The following CROCC variants were observed in gnomAD, a reference collection of about 807,000 sequenced individuals.
The protein encoded by CROCC is ciliary rootlet coiled-coil, rootletin, also known as rootletin.
CROCC carries 180 observed loss-of-function variants against 245.2 expected under a neutral mutation model. That is an observed-to-expected ratio of 0.73 (90% CI 0.65 to 0.83). CROCC has a LOEUF of 0.83. Ranked by LOEUF, CROCC falls within the 40% of genes least tolerant of loss-of-function variation. The pLI is 0.00. For missense variants in CROCC, 2,688 were observed against 2,779.4 expected (o/e 0.97, Z 0.74); for synonymous variants, 1,205 against 1,241.6 (o/e 0.97, Z 0.62).
In CROCC at chr1:16,966,798, G is replaced by A. The variant is rs2076425728; in HGVS notation, c.4860+227G>A. ...GCTTGGTCAAGGTGCAGTAGCTCATGCCTGTAATCCTAGCACTTTGGGAGG... is the reference window on the plus strand; with the variant it reads ...GCTTGGTCAAGGTGCAGTAGCTCATACCTGTAATCCTAGCACTTTGGGAGG... On this transcript the variant is annotated intron_variant, in intron 30 of 36. Coordinates refer to ENST00000375541, the MANE Select transcript of CROCC (RefSeq NM_014675.5). This position sits in a 1 kb window ranked among gnomAD's most constrained non-coding sequence, Gnocchi z 4.8. 6.6e-6 allele frequency among the ~76,000 whole-genome samples: 1 copy of A among 152,204 alleles called. No individual in the cohort carries two copies. Among genetic ancestry groups the A allele is most frequent in the Non-Finnish European group, 1.5e-5 (1 of 68,032 alleles).
chr1:16,927,351 A>G (rs1394161313), intron 3 of CROCC, among the ~76,000 whole-genome samples: 3 of 152,372 alleles, frequency 2.0e-5, no homozygotes, highest in South Asian at 2.1e-4. Flanking sequence ...AAAAGCATAC[A>G]GTTCAACACA....
chr1:16,927,609 C>T (rs1353554143), intron 3 of CROCC, among the ~76,000 whole-genome samples: 1 of 152,282 alleles, frequency 6.6e-6, no homozygotes, highest in African/African-American at 2.4e-5. Context: ...GACGTGAACT[C>T]AGCACCCACA....
In CROCC at chr1:16,971,608, G is replaced by T; in HGVS notation, c.5928G>T (p.Glu1976Asp). 6.6e-7 allele frequency: 1 copy of T among 1,520,000 alleles called. No individual in the cohort carries two copies. 94.2% of individuals were successfully genotyped at this position (1,520,000 alleles called of 1,614,324 possible). A position where few individuals can be genotyped will look rare whatever the true frequency, so the allele number is the denominator to read the frequency against. Residue 1976 changes from glutamate to aspartate, a missense_variant, in exon 36 of 37, where the codon GAG (glutamate) becomes GAT (aspartate). Glu to Asp is a conservative substitution (Grantham distance 45). Transcript: ENST00000375541. ...CTGAGCGCACCCTGGAGGCTCGGGA[G>T]CGGGCCCACCGCCAGAGGGTGCGTG... ...AQTERTLEAR[E>D]RAHRQRVRGL...
chr1:16,938,359 C>A (rs767701751), intron 10 of CROCC, 41 bp from the exon 11 acceptor site: 1 of 1,525,008 alleles, frequency 6.6e-7, no homozygotes, highest in Non-Finnish European at 8.9e-7. Context: ...TCAGATAAGA[C>A]AGAACCCCAA....
chr1:16,932,405 A>G (rs370803470), intron 8 of CROCC, among the ~76,000 whole-genome samples: 1 of 152,212 alleles, frequency 6.6e-6, no homozygotes, highest in Non-Finnish European at 1.5e-5. Flanking sequence ...TCGCCATTGT[A>G]CTCCGGCCTG....
At chr1:16,971,309 C>T (rs1226089479) in intron 35 of CROCC, among the ~76,000 whole-genome samples, 156 bp from the exon 36 acceptor site, 1 of 151,940 alleles carries the variant, frequency 6.6e-6, no homozygotes, top group African/African-American at 2.4e-5. Context: ...CTCGCAGGCT[C>T]ACTGTCAGGG....
rs764177824 is a variant in CROCC, at chr1:16,951,105, C to T, written c.2989C>T (p.Arg997Ter). The T allele has an allele frequency of 7.1e-5, 111 of 1,553,244 alleles. 1 individual carries two copies. Among genetic ancestry groups the T allele is most frequent in the Non-Finnish European group, 8.8e-5 (101 of 1,150,950 alleles). ...QRAAHEEDLQ[R>*]LQREKEAAWR... Reference sequence around the variant, plus strand: ...GGCAGCTCACGAGGAGGACTTACAGCGACTCCAGCGTGAAAAGGTTCAGGC... The same window carrying T: ...GGCAGCTCACGAGGAGGACTTACAGTGACTCCAGCGTGAAAAGGTTCAGGC... The change falls in exon 20 of 37, where the codon CGA becomes TGA. Residue 997 changes from arginine (R) to a stop codon, truncating the protein, a stop_gained. Coordinates refer to ENST00000375541, the MANE Select transcript of CROCC (RefSeq NM_014675.5). LOFTEE classifies it high-confidence loss of function.
Position 16,948,985 on chromosome 1 carries a change from C to T in CROCC, c.2836+59C>T, listed in dbSNP as rs554247425. 5.0e-5 allele frequency: 79 copies of T among 1,589,998 alleles called. No homozygotes were observed. The East Asian group carries it at 1.2e-3, about 24-fold the overall frequency. ...GGTTCCAGCCCAGACTGCAGCCTCC[C>T]AAGGTCTGGGGTCTCACAGAAGTTG... is the stretch of plus-strand genomic sequence containing the variant. On this transcript the variant is annotated intron_variant, in intron 19 of 36. Coordinates refer to ENST00000375541, the MANE Select transcript of CROCC (RefSeq NM_014675.5).
upstream of CROCC, among the ~76,000 whole-genome samples, chr1:16,919,046 TA>T (rs752347539): frequency 1.1e-3 from 164 of 152,408 alleles, no homozygotes; most frequent in Non-Finnish European, 2.0e-3. Context: ...GTAGCTGGTT[TA>T]GTTTTGCCCA....
In CROCC at chr1:16,965,704, A is replaced by C; in HGVS notation, c.4406-19A>C. Reference sequence around the variant, plus strand: ...CCCGTGGCTTCTGCATCACTGAGCAAGTCTTCTTTCTCTTCTAGGAAGCGG... The same window carrying C: ...CCCGTGGCTTCTGCATCACTGAGCACGTCTTCTTTCTCTTCTAGGAAGCGG... On this transcript the variant is annotated intron_variant, in intron 27 of 36. Coordinates refer to ENST00000375541, the MANE Select transcript of CROCC (RefSeq NM_014675.5). 3.8e-6 allele frequency: 6 copies of C among 1,569,638 alleles called. No homozygotes were observed. The highest frequency in any genetic ancestry group is 5.3e-6 in the Non-Finnish European group (6 of 1,141,822).
intron 19 of CROCC, 26 bp downstream of exon 19, chr1:16,948,952 G>A (rs771414322): frequency 3.1e-6 from 5 of 1,608,888 alleles, no homozygotes; most frequent in Non-Finnish European, 4.2e-6. Context: ...GACTTGGGGG[G>A]AACACCAGGT....
intron 1 of CROCC, among the ~76,000 whole-genome samples, chr1:16,915,550 G>C (rs1187663004): frequency 6.6e-6 from 1 of 152,252 alleles, no homozygotes; most frequent in Non-Finnish European, 1.5e-5. Context: ...TGAGGTGGGA[G>C]GATCCCTTAA....
chr1:16,919,024 T>C (rs555267769), upstream of CROCC, among the ~76,000 whole-genome samples: 2 of 152,406 alleles, frequency 1.3e-5, no homozygotes, highest in East Asian at 3.8e-4. Context: ...CATGAGCCAC[T>C]GCACCTGGCC....
intron 17 of CROCC, among the ~76,000 whole-genome samples, 184 bp from the exon 18 acceptor site, chr1:16,948,147 A>T (rs2076090329): frequency 6.6e-6 from 1 of 152,292 alleles, no homozygotes; most frequent in Admixed American, 6.5e-5. Flanking sequence ...GTTTTTGTAC[A>T]CACGTGCATT....
chr1:16,965,716 C>T lies in CROCC; in HGVS notation c.4406-7C>T. 2 of 1,596,888 alleles carry T rather than the reference C, an allele frequency of 1.3e-6. No individual in the cohort carries two copies. The highest frequency in any genetic ancestry group is 1.7e-6 in the Non-Finnish European group (2 of 1,165,392). Reference sequence around the variant, plus strand: ...GCATCACTGAGCAAGTCTTCTTTCTCTTCTAGGAAGCGGGGAAGGGCTCAA... The same window carrying T: ...GCATCACTGAGCAAGTCTTCTTTCTTTTCTAGGAAGCGGGGAAGGGCTCAA... On this transcript the variant is annotated splice_polypyrimidine_tract_variant and splice_region_variant and intron_variant, in intron 27 of 36. Coordinates refer to ENST00000375541, the MANE Select transcript of CROCC (RefSeq NM_014675.5).
At chr1:16,930,942 C>G (rs1343444890) in intron 7 of CROCC, among the ~76,000 whole-genome samples, 1 of 152,294 alleles carries the variant, frequency 6.6e-6, no homozygotes, top group Non-Finnish European at 1.5e-5. Flanking sequence ...GGCAACAAAG[C>G]AAGACTCTGT....
intron 17 of CROCC, among the ~76,000 whole-genome samples, chr1:16,947,869 T>C (rs2076084808): frequency 3.3e-5 from 5 of 152,386 alleles, no homozygotes; most frequent in African/African-American, 1.2e-4. Flanking sequence ...GACAGAGTCT[T>C]GCTCTGTTGC....
intron 18 of CROCC, 59 bp from the exon 19 acceptor site, chr1:16,948,740 C>A: frequency 6.2e-7 from 1 of 1,601,812 alleles, no homozygotes. Context: ...CTGAGATCCA[C>A]AGTTTCCTGG....
At chr1:16,955,915 G>A in intron 24 of CROCC, 82 bp from the exon 25 acceptor site, 2 of 1,509,168 alleles carry the variant, frequency 1.3e-6, no homozygotes, top group Non-Finnish European at 1.8e-6. Context: ...ATCCACTCCA[G>A]AAATTGGAGG....
Sources: gnomAD v4.1 joint callset for allele counts (sites outside exome capture counted in the v4.1 genomes callset) on GRCh38, gnomAD v4.1.1 for gene constraint, Gnocchi (gnomAD v3.1) non-coding constraint, MANE v1.5 for transcripts, NCBI Gene and HGNC (gene_info 2026-07-23, HGNC 2026-07-21) for gene names.